PAPPA2: variants seen among roughly 807,000 people sequenced by gnomAD.
PAPPA2 encodes the protein pappalysin-2.
Under a neutral mutation model 176.4 loss-of-function variants are expected in PAPPA2, and 86 were observed. That is an observed-to-expected ratio of 0.49 (90% CI 0.41 to 0.58). The LOEUF is 0.58. Ranked by LOEUF, PAPPA2 falls within the 20% of genes least tolerant of loss-of-function variation. PAPPA2 has a pLI of 0.00. For synonymous variants in PAPPA2, 809 were observed against 852.2 expected, an observed-to-expected ratio of 0.95 and a Z score of 0.88; for missense variants, 2,073 against 2,256.9, an observed-to-expected ratio of 0.92 and a Z score of 1.65.
chr1:176,678,467 G>T (rs776346712), intron 4 of PAPPA2, among the ~76,000 whole-genome samples: 27 of 146,932 alleles, frequency 1.8e-4, no homozygotes, highest in Middle Eastern at 3.4e-3. Context: ...AGTTTTTATT[G>T]TTCTTGCCAA....
At chr1:176,601,926 G>T (rs182457070) in intron 3 of PAPPA2, among the ~76,000 whole-genome samples, 1 of 152,020 alleles carries the variant, frequency 6.6e-6, no homozygotes, top group Non-Finnish European at 1.5e-5. Flanking sequence ...TCTCCTTTTC[G>T]CAATAGAGTT....
chr1:176,475,431 A>C (rs2102470842), intron 1 of PAPPA2, among the ~76,000 whole-genome samples: 1 of 152,256 alleles, frequency 6.6e-6, no homozygotes, highest in Admixed American at 6.5e-5. Flanking sequence ...TACTGGCCTC[A>C]GTGCATCCTT....
At chr1:176,701,051 T>TAC (rs374838543) in intron 8 of PAPPA2, among the ~76,000 whole-genome samples, 15,384 of 148,278 alleles carry the variant, frequency 0.1, 833 homozygotes, top group South Asian at 0.18. Flanking sequence ...CACACACACA[T>TAC]ACACACACAC....
At position 176,690,130 on chromosome 1, in the gene PAPPA2, A is replaced by G; in HGVS notation, c.2138-7A>G. 1 of 1,589,008 alleles carries G rather than the reference A, an allele frequency of 6.3e-7. No individual in the cohort carries two copies. The highest frequency in any genetic ancestry group is 8.6e-7 in the Non-Finnish European group (1 of 1,162,138). On this transcript the variant is annotated splice_region_variant and splice_polypyrimidine_tract_variant and intron_variant, in intron 4 of 22. Transcript: ENST00000367662. ...CTCTGAAAGGCTTTTCAAAACTTTC[A>G]TTGCAGGTGGCATTGTCCTCAGCCC... is the stretch of plus-strand genomic sequence containing the variant.
At chr1:176,481,372 A>G (rs1481928748) in intron 1 of PAPPA2, among the ~76,000 whole-genome samples, 1 of 151,494 alleles carries the variant, frequency 6.6e-6, no homozygotes, top group East Asian at 2.0e-4. Context: ...ATGGCTCTGG[A>G]GTGATGCCGT....
intron 21 of PAPPA2, among the ~76,000 whole-genome samples, chr1:176,818,740 A>G (rs1162645819): frequency 6.6e-6 from 1 of 152,148 alleles, no homozygotes; most frequent in Non-Finnish European, 1.5e-5. Flanking sequence ...TAAAAATGTA[A>G]GTGAAATAAT....
intron 3 of PAPPA2, among the ~76,000 whole-genome samples, chr1:176,615,274 T>C (rs1369563443): frequency 6.6e-6 from 1 of 152,174 alleles, no homozygotes; most frequent in Non-Finnish European, 1.5e-5. Context: ...ATTAAAGACA[T>C]GTGCTTTTGT....
chr1:176,636,669 G>T (rs1252013965), intron 3 of PAPPA2, among the ~76,000 whole-genome samples: 2 of 152,002 alleles, frequency 1.3e-5, no homozygotes, highest in Non-Finnish European at 2.9e-5. Context: ...AAAAATTCTG[G>T]TGCTTGAACT....
intron 1 of PAPPA2, among the ~76,000 whole-genome samples, chr1:176,482,811 G>T (rs1652465387): frequency 6.6e-6 from 1 of 152,124 alleles, no homozygotes; most frequent in Non-Finnish European, 1.5e-5. Context: ...ACCAACTTGG[G>T]TTATGTGCTC....
At chr1:176,775,980 A>G (rs1001419656) in intron 17 of PAPPA2, among the ~76,000 whole-genome samples, 4 of 152,174 alleles carry the variant, frequency 2.6e-5, no homozygotes, top group African/African-American at 7.2e-5. Flanking sequence ...AAGTATATGT[A>G]GTTTCAGGAG....
At chr1:176,735,147 G>T (rs1662338462) in intron 12 of PAPPA2, among the ~76,000 whole-genome samples, 1 of 151,948 alleles carries the variant, frequency 6.6e-6, no homozygotes, top group African/African-American at 2.4e-5. Context: ...GGCTACTGTT[G>T]TTCAAAAATA....
chr1:176,703,500 C>A (rs1462949367), intron 9 of PAPPA2, among the ~76,000 whole-genome samples: 1 of 152,188 alleles, frequency 6.6e-6, no homozygotes, highest in East Asian at 1.9e-4. Context: ...TATAAAGCTG[C>A]TGGGATGAGG....
At chr1:176,808,079 G>A (rs1380421100) in intron 21 of PAPPA2, among the ~76,000 whole-genome samples, 1 of 152,108 alleles carries the variant, frequency 6.6e-6, no homozygotes, top group Non-Finnish European at 1.5e-5. Context: ...GCAATGCCCA[G>A]GGCTGTCTCT....
intron 1 of PAPPA2, among the ~76,000 whole-genome samples, chr1:176,509,771 G>A (rs1489195813): frequency 6.6e-6 from 1 of 152,002 alleles, no homozygotes; most frequent in Non-Finnish European, 1.5e-5. Context: ...GGGAGACCGA[G>A]GCTGGCAGAT....
chr1:176,604,772 A>G (rs1431446167), intron 3 of PAPPA2, among the ~76,000 whole-genome samples: 4 of 152,224 alleles, frequency 2.6e-5, no homozygotes, highest in Admixed American at 2.0e-4. Context: ...AACACATTTG[A>G]TATTTTAAAA....
chr1:176,816,214 A>T, intron 21 of PAPPA2, among the ~76,000 whole-genome samples: 1 of 99,112 alleles, frequency 1.0e-5, no homozygotes, highest in South Asian at 3.5e-4. Context: ...ATACACACAC[A>T]TATATAAAAT....
intron 2 of PAPPA2, 122 bp from the exon 3 acceptor site, chr1:176,594,402 C>T (rs749179584): frequency 3.7e-6 from 3 of 819,392 alleles, no homozygotes; most frequent in African/African-American, 1.7e-5. Context: ...ATCTGTGTCG[C>T]TTACTTTATT....
intron 21 of PAPPA2, among the ~76,000 whole-genome samples, chr1:176,828,757 A>G (rs1666956431): frequency 6.6e-6 from 1 of 151,990 alleles, no homozygotes; most frequent in Non-Finnish European, 1.5e-5. Context: ...TAATCCCAGC[A>G]CTTTAGGAGG....
chr1:176,639,078 G>A (rs1656908780), intron 3 of PAPPA2, among the ~76,000 whole-genome samples: 1 of 151,724 alleles, frequency 6.6e-6, no homozygotes, highest in Admixed American at 6.6e-5. Flanking sequence ...TAAAAGATGA[G>A]GCTAAACAGA....
Sources: gnomAD v4.1 joint callset for allele counts (sites outside exome capture counted in the v4.1 genomes callset) on GRCh38, gnomAD v4.1.1 for gene constraint, MANE v1.5 for transcripts, NCBI Gene and HGNC (gene_info 2026-07-23, HGNC 2026-07-21) for gene names.